EYS: variants seen among roughly 807,000 people sequenced by gnomAD.
The protein encoded by EYS is protein eyes shut homolog.
Under a neutral mutation model 282.1 loss-of-function variants are expected in EYS, and 250 were observed. The ratio of observed to expected loss-of-function variants is 0.89; its 90% CI spans 0.80 to 0.98. The LOEUF is 0.98. EYS is among the 50% of genes least tolerant of loss of function. The pLI is 0.00. For missense variants in EYS, 4,016 were observed against 3,709.0 expected (o/e 1.08, Z -2.15); for synonymous variants, 1,355 against 1,282.9 (o/e 1.06, Z -1.20).
intron 7 of EYS, among the ~76,000 whole-genome samples, chr6:65,400,565 G>A (rs957787747): frequency 2.0e-5 from 3 of 151,486 alleles, no homozygotes; most frequent in Non-Finnish European, 4.4e-5. Flanking sequence ...TAGGTGGTAA[G>A]GAATTTTCTG....
intron 35 of EYS, among the ~76,000 whole-genome samples, chr6:63,929,600 T>C (rs1764826334): frequency 2.0e-5 from 3 of 152,232 alleles, no homozygotes; most frequent in Admixed American, 2.0e-4. Context: ...TGATGCTCTG[T>C]CAGCTGCTTC....
chr6:64,738,750 G>A (rs770030352), intron 22 of EYS, among the ~76,000 whole-genome samples: 2 of 152,108 alleles, frequency 1.3e-5, no homozygotes, highest in Non-Finnish European at 2.9e-5. Flanking sequence ...AAAGGAAAAA[G>A]ACTCAAATTT....
intron 33 of EYS, among the ~76,000 whole-genome samples, chr6:64,053,708 C>T (rs1485238785): frequency 2.6e-5 from 4 of 152,058 alleles, no homozygotes; most frequent in Admixed American, 2.6e-4. Flanking sequence ...TTAGTGATAG[C>T]TATTTTATCA....
intron 2 of EYS, among the ~76,000 whole-genome samples, chr6:65,512,351 G>A (rs1266351567): frequency 6.6e-6 from 1 of 151,682 alleles, no homozygotes; most frequent in East Asian, 2.0e-4. Context: ...AATTAGCCGG[G>A]TGTGGCGAGC....
At chr6:65,534,440 A>G (rs1321357212) in intron 2 of EYS, among the ~76,000 whole-genome samples, 1 of 152,142 alleles carries the variant, frequency 6.6e-6, no homozygotes, top group Non-Finnish European at 1.5e-5. Context: ...AGGGGTGACT[A>G]TGAGCCGGAA....
At chr6:65,540,848 G>A (rs879603686) in intron 2 of EYS, among the ~76,000 whole-genome samples, 5 of 151,996 alleles carry the variant, frequency 3.3e-5, no homozygotes, top group Admixed American at 1.3e-4. Flanking sequence ...GCTTGAATCC[G>A]GGAAGCGGAG....
intron 5 of EYS, among the ~76,000 whole-genome samples, chr6:65,436,987 G>A (rs1033282626): frequency 6.6e-6 from 1 of 152,090 alleles, no homozygotes; most frequent in Non-Finnish European, 1.5e-5. Context: ...GTTTTAACAG[G>A]TATGTAAAGT....
chr6:65,034,569 C>G (rs569955571), intron 13 of EYS, among the ~76,000 whole-genome samples: 6 of 152,020 alleles, frequency 3.9e-5, no homozygotes, highest in Non-Finnish European at 8.8e-5. Context: ...CCCCCTGACT[C>G]TCCATATTGT....
At chr6:65,473,188 G>A (rs1398363562) in intron 5 of EYS, among the ~76,000 whole-genome samples, 1 of 151,824 alleles carries the variant, frequency 6.6e-6, no homozygotes, top group Admixed American at 6.6e-5. Context: ...TAGAGAAAAA[G>A]GTAAGGGACT....
chr6:64,922,957 G>T (rs1374164184), intron 15 of EYS, among the ~76,000 whole-genome samples: 1 of 152,108 alleles, frequency 6.6e-6, no homozygotes. Flanking sequence ...TCAAGATCCA[G>T]TATTACTATG....
chr6:65,110,153 G>C (rs754695880), intron 12 of EYS, among the ~76,000 whole-genome samples: 12 of 152,060 alleles, frequency 7.9e-5, no homozygotes, highest in Middle Eastern at 3.2e-3. Flanking sequence ...CATGAAAATT[G>C]TCCTAGAAAA....
chr6:65,456,179 G>A (rs1015546915), intron 5 of EYS, among the ~76,000 whole-genome samples: 1 of 151,966 alleles, frequency 6.6e-6, no homozygotes, highest in South Asian at 2.1e-4. Context: ...CAGGCCGGGC[G>A]AGGTAGCTCA....
At chr6:64,188,727 T>A (rs1235057520) in intron 31 of EYS, among the ~76,000 whole-genome samples, 2 of 151,836 alleles carry the variant, frequency 1.3e-5, no homozygotes, top group East Asian at 3.9e-4. Flanking sequence ...ATTAAAAGCC[T>A]GACATATAGT....
At chr6:64,973,015 A>T (rs1770349474) in intron 14 of EYS, among the ~76,000 whole-genome samples, 1 of 152,044 alleles carries the variant, frequency 6.6e-6, no homozygotes, top group Admixed American at 6.6e-5. Context: ...CAATATCTCC[A>T]CTATATCAGG....
chr6:64,648,518 A>G (rs1362025089), intron 22 of EYS, among the ~76,000 whole-genome samples: 2 of 152,196 alleles, frequency 1.3e-5, no homozygotes, highest in African/African-American at 4.8e-5. Flanking sequence ...ACTACAATCT[A>G]TAGGTTAAAG....
intron 26 of EYS, among the ~76,000 whole-genome samples, chr6:64,568,976 G>A (rs1230527416): frequency 7.1e-6 from 1 of 141,376 alleles, no homozygotes; most frequent in African/African-American, 2.7e-5. Flanking sequence ...CCCATCCAAA[G>A]GTCACCAGCA....
chr6:64,156,040 G>A (rs1774907898), intron 31 of EYS, among the ~76,000 whole-genome samples: 1 of 148,332 alleles, frequency 6.7e-6, no homozygotes, highest in Non-Finnish European at 1.5e-5. Context: ...GTGTGTGTGT[G>A]TTTGTGTGTG....
chr6:64,874,394 A>G (rs148587411), intron 19 of EYS, among the ~76,000 whole-genome samples: 126 of 152,196 alleles, frequency 8.3e-4, no homozygotes, highest in Non-Finnish European at 1.4e-3. Flanking sequence ...TTCAAATTGT[A>G]ATGTCTCAGA....
intron 2 of EYS, among the ~76,000 whole-genome samples, chr6:65,596,503 G>A (rs1419302430): frequency 1.3e-5 from 2 of 152,048 alleles, no homozygotes; most frequent in Non-Finnish European, 2.9e-5. Flanking sequence ...CATATGTGCA[G>A]ATAACAAAAA....
Sources: allele counts gnomAD v4.1 joint callset (sites outside exome capture counted in the v4.1 genomes callset), GRCh38; gene constraint gnomAD v4.1.1; transcripts MANE v1.5; gene names NCBI Gene and HGNC (gene_info 2026-07-23, HGNC 2026-07-21).